Variants in SCN8A observed in about 807,000 individuals in gnomAD.
SCN8A encodes sodium voltage-gated channel alpha subunit 8.
In SCN8A, 30 loss-of-function variants were observed where a neutral mutation model predicts 184.1. The ratio of observed to expected loss-of-function variants is 0.16; its 90% confidence interval spans 0.12 to 0.22. SCN8A has a LOEUF of 0.22. Among genes scored for constraint, SCN8A ranks in the 10% least tolerant of loss-of-function variants. The pLI is 1.00. For synonymous variants in SCN8A, 852 were observed against 907.0 expected (o/e 0.94, Z 1.09); for missense variants, 1,057 against 2,498.9 (o/e 0.42, Z 12.30).
intron 9 of SCN8A, among the ~76,000 whole-genome samples, chr12:51,705,097 T>A (rs1311577351): frequency 6.6e-6 from 1 of 152,230 alleles, no homozygotes; most frequent in Non-Finnish European, 1.5e-5. Context: ...AGTCTTGTAT[T>A]CTTTTCTTTA....
chr12:51,690,499 C>T (rs1941488593), intron 6 of SCN8A, among the ~76,000 whole-genome samples: 1 of 151,942 alleles, frequency 6.6e-6, no homozygotes, highest in African/African-American at 2.4e-5. Context: ...ACCACAGGTG[C>T]ATGCCATCAC....
At chr12:51,601,937 T>G (rs1435181072) in intron 1 of SCN8A, among the ~76,000 whole-genome samples, 3 of 143,452 alleles carry the variant, frequency 2.1e-5, no homozygotes, top group Non-Finnish European at 3.0e-5. Flanking sequence ...AGAAAAAAAC[T>G]CATTCCCAGA....
rs919655483 is a variant in SCN8A, at chr12:51,666,924, A to C, written c.276+3831A>C. 4.6e-5 allele frequency among the ~76,000 whole-genome samples: 7 copies of C among 152,216 alleles called. 1 individual carries two copies. The highest frequency in any genetic ancestry group is 1.3e-4 in the Admixed American group (2 of 15,288). On this transcript the variant is annotated intron_variant, in intron 2 of 26. Coordinates refer to ENST00000627620, the MANE Select transcript of SCN8A (RefSeq NM_001330260.2). ...ACTTTTTCAGCTGGTCCCTGCAAAC[A>C]ATCTGAATCATCCTCTCTTTGAATT...
chr12:51,761,489 A>G (rs1942761984), intron 14 of SCN8A, among the ~76,000 whole-genome samples: 1 of 150,612 alleles, frequency 6.6e-6, no homozygotes, highest in Non-Finnish European at 1.5e-5. Flanking sequence ...ATTATTATTT[A>G]TTTATTTGAT....
At chr12:51,787,156 A>G (rs112450967) in intron 22 of SCN8A, among the ~76,000 whole-genome samples, 2 of 152,262 alleles carry the variant, frequency 1.3e-5, no homozygotes, top group African/African-American at 4.8e-5. Flanking sequence ...GGGCAAAAAA[A>G]ATCAAGATAA....
chr12:51,769,287 C>T lies in SCN8A; in HGVS notation c.3324C>T (p.Leu1108=). 6.2e-7 allele frequency: 1 copy of T among 1,608,476 alleles called. No individual in the cohort carries two copies. Among genetic ancestry groups the T allele is most frequent in the Non-Finnish European group, 8.5e-7 (1 of 1,175,500 alleles). Residue 1108 remains leucine (L), a synonymous_variant, in exon 17 of 27, where the codon CTC becomes CTT. Transcript: ENST00000627620. ...TGGGCGAGTCTGACTTTGAGAACCT[C>T]AACACAGAGGATGTTAGCAGCGAGT... ...IAVGESDFEN[L]NTEDVSSESD...
chr12:51,694,755 G>T (rs1051879016), intron 6 of SCN8A, among the ~76,000 whole-genome samples: 1 of 152,160 alleles, frequency 6.6e-6, no homozygotes, highest in Non-Finnish European at 1.5e-5. Flanking sequence ...CCAGAATGAT[G>T]GCATTCTACA....
At chr12:51,637,239 C>T (rs941377975) in intron 1 of SCN8A, among the ~76,000 whole-genome samples, 1 of 152,094 alleles carries the variant, frequency 6.6e-6, no homozygotes. Flanking sequence ...CTCTCTTTTC[C>T]CTGAGACACA....
intron 2 of SCN8A, among the ~76,000 whole-genome samples, chr12:51,672,342 A>G (rs1941147609): frequency 6.6e-6 from 1 of 152,056 alleles, no homozygotes; most frequent in African/African-American, 2.4e-5. Flanking sequence ...CAAGTCTAAG[A>G]TTTTTTTTAA....
chr12:51,777,354 G>C lies in SCN8A; in HGVS notation c.3819+2992G>C, dbSNP rs186856603. 5.9e-3 allele frequency among the ~76,000 whole-genome samples: 893 copies of C among 152,116 alleles called. 7 individuals are homozygous for C. The highest frequency in any genetic ancestry group is 6.9e-3 in the Admixed American group (105 of 15,284). Reference sequence around the variant, plus strand: ...GGCTCACTGCAGCCTCCAAGTCCTGGGCTCAAGCAGCCTTCTCACCTCAGC... The same window carrying C: ...GGCTCACTGCAGCCTCCAAGTCCTGCGCTCAAGCAGCCTTCTCACCTCAGC... On this transcript the variant is annotated intron_variant, in intron 20 of 26. Transcript: ENST00000627620.
chr12:51,770,332 C>G (rs553686185), intron 18 of SCN8A, 197 bp from the exon 19 acceptor site: 1 of 625,636 alleles, frequency 1.6e-6, no homozygotes, highest in African/African-American at 1.8e-5. Context: ...CTCCTGAGGG[C>G]CTTGCCCCAT....
At chr12:51,671,149 A>T (rs1941123689) in intron 2 of SCN8A, among the ~76,000 whole-genome samples, 1 of 152,188 alleles carries the variant, frequency 6.6e-6, no homozygotes. Flanking sequence ...TTCAGCAAGT[A>T]CTAAATTATA....
At chr12:51,738,077 A>G (rs1423171422) in intron 12 of SCN8A, among the ~76,000 whole-genome samples, 1 of 152,210 alleles carries the variant, frequency 6.6e-6, no homozygotes, top group Non-Finnish European at 1.5e-5. Flanking sequence ...AATGGCCGCC[A>G]TCAAAAATGA....
intron 2 of SCN8A, among the ~76,000 whole-genome samples, chr12:51,672,026 T>C (rs538478914): frequency 6.6e-6 from 1 of 152,326 alleles, no homozygotes; most frequent in African/African-American, 2.4e-5. Flanking sequence ...TGTGCCTTTC[T>C]ACCTCCTCTG....
At chr12:51,762,368 A>C in intron 14 of SCN8A, 135 bp from the exon 15 acceptor site, 1 of 780,908 alleles carries the variant, frequency 1.3e-6, no homozygotes, top group Non-Finnish European at 2.1e-6. Flanking sequence ...ACATCCAGGT[A>C]TTGATATCTT....
intron 12 of SCN8A, among the ~76,000 whole-genome samples, chr12:51,744,193 T>A (rs1592139294): frequency 6.6e-6 from 1 of 152,096 alleles, no homozygotes; most frequent in African/African-American, 2.4e-5. Flanking sequence ...ATCCCAGCTA[T>A]TCAGGAGGCT....
chr12:51,696,208 T>C (rs1475612918), intron 6 of SCN8A, among the ~76,000 whole-genome samples: 2 of 152,202 alleles, frequency 1.3e-5, no homozygotes, highest in East Asian at 3.8e-4. Flanking sequence ...TCTGGAGAGA[T>C]GGCTGTATAG....
rs749395329 is a variant in SCN8A at position 51,745,941 on chromosome 12, A to C, written c.2037A>C (p.Gly679=). Residue 679 remains glycine (G), a synonymous_variant, in exon 13 of 27, where the codon GGA becomes GGC. Coordinates refer to ENST00000627620, the MANE Select transcript of SCN8A (RefSeq NM_001330260.2). ...TGGAAATTAAGAAGAAAGGCCCTGG[A>C]TCTCTTTTAGTTTCCATGGACCAAT... ...TEVEIKKKGP[G]SLLVSMDQLA... is the part of the protein sequence containing the mutation. 1.2e-6 allele frequency: 2 copies of C among 1,605,220 alleles called. No homozygotes were observed. The highest frequency in any genetic ancestry group is 1.7e-6 in the Non-Finnish European group (2 of 1,176,732).
intron 21 of SCN8A, 88 bp downstream of exon 21, chr12:51,780,859 T>C: frequency 7.4e-7 from 1 of 1,349,250 alleles, no homozygotes; most frequent in Non-Finnish European, 9.5e-7. Context: ...GAAAGATCAT[T>C]CAAACACGAA....
Sources: gnomAD v4.1 joint callset for allele counts (sites outside exome capture counted in the v4.1 genomes callset) on GRCh38, gnomAD v4.1.1 for gene constraint, MANE v1.5 for transcripts, NCBI Gene and HGNC (gene_info 2026-07-23, HGNC 2026-07-21) for gene names.